The following CCDC86 variants were observed in gnomAD, a reference collection of about 807,000 sequenced individuals.
CCDC86 encodes the protein coiled-coil domain-containing protein 86.
Under a neutral mutation model 36.7 loss-of-function variants are expected in CCDC86, and 28 were observed. The ratio of observed to expected loss-of-function variants is 0.76; its 90% CI spans 0.57 to 1.05. CCDC86 has a LOEUF of 1.05. CCDC86 is among the 50% of genes least tolerant of loss of function. CCDC86 has a pLI of 0.00. For synonymous variants in CCDC86, 199 were observed against 203.4 expected, an observed-to-expected ratio of 0.98 and a Z score of 0.18; for missense variants, 453 against 470.2, an observed-to-expected ratio of 0.96 and a Z score of 0.34.
chr11:60,847,855 C>T (rs1376079886), intron 1 of CCDC86, 69 bp from the exon 2 acceptor site: 8 of 1,499,986 alleles, frequency 5.3e-6, no homozygotes, highest in African/African-American at 4.2e-5. Flanking sequence ...AGCCTCCGGC[C>T]GAGAGGAGAC....
chr11:60,848,091 A>G (rs1209818544), intron 2 of CCDC86, 38 bp downstream of exon 2: 2 of 1,605,224 alleles, frequency 1.2e-6, no homozygotes, highest in Admixed American at 1.7e-5. Flanking sequence ...GGCTCAGAGG[A>G]CTAAGCTAGT....
intron 1 of CCDC86, among the ~76,000 whole-genome samples, chr11:60,843,538 A>T (rs970201571): frequency 2.0e-5 from 3 of 152,202 alleles, no homozygotes; most frequent in Admixed American, 2.0e-4. Context: ...CCCTTTACCC[A>T]ATCCCTGTAG....
Position 60,850,462 on chromosome 11 carries a change from G to C in CCDC86, c.*137G>C, listed in dbSNP as rs534840733. On this transcript the variant is annotated 3_prime_UTR_variant, in exon 4 of 4. Coordinates refer to ENST00000227520, the MANE Select transcript of CCDC86 (RefSeq NM_024098.4). ...AACAGGGACCCCCACCCCGACCGGG[G>C]CTCCTCGGCCTTTGAAGGCTTCCAG... is the stretch of plus-strand genomic sequence containing the variant. 3 of 1,209,428 alleles carry C rather than the reference G, an allele frequency of 2.5e-6. No individual in the cohort carries two copies. The highest frequency in any genetic ancestry group is 5.1e-5 in the East Asian group (2 of 38,888). The allele number at this position is 1,209,428 out of a possible 1,614,324, so 74.9% of individuals were successfully genotyped here.
In CCDC86 at chr11:60,842,667, G is replaced by C; in HGVS notation, c.543G>C (p.Leu181=). 3 of 1,613,924 alleles carry C rather than the reference G, an allele frequency of 1.9e-6. No individual in the cohort carries two copies. Among genetic ancestry groups the C allele is most frequent in the Non-Finnish European group, 1.7e-6 (2 of 1,180,006 alleles). Residue 181 remains leucine (L), a synonymous_variant, in exon 1 of 4, where the codon CTG becomes CTC. Transcript: ENST00000227520. The part of the protein sequence containing the change: ...GPEPSQPLLE[L]TPRAPGSPRG... ...AGCCCTCTCAGCCACTACTGGAGCT[G>C]ACACCCAGGGCACCTGGCTCCCCCC...
At chr11:60,844,590 C>G (rs1390456021) in intron 1 of CCDC86, among the ~76,000 whole-genome samples, 1 of 152,256 alleles carries the variant, frequency 6.6e-6, no homozygotes, top group East Asian at 1.9e-4. Context: ...TGAAAAGCCT[C>G]TCTGGCTTAT....
In CCDC86 at chr11:60,842,334, C is replaced by T. The variant is rs770508634; in HGVS notation, c.210C>T (p.Pro70=). Residue 70 remains proline (P), a synonymous_variant, in exon 1 of 4, where the codon CCC becomes CCT. Transcript: ENST00000227520. The stretch of plus-strand genomic sequence containing the variant: ...CGCCGAAGACAAGCCCAGGATCACC[C>T]CGTCTGCAGCAGGGTGCAGGCTTGG... ...ERPPKTSPGS[P]RLQQGAGLES... is the part of the protein sequence containing the mutation. The T allele has an allele frequency of 9.3e-6, 15 of 1,613,738 alleles. No individual in the cohort carries two copies. The highest frequency in any genetic ancestry group is 1.3e-5 in the Non-Finnish European group (15 of 1,179,916).
At chr11:60,849,915 A>G in intron 2 of CCDC86, 25 bp from the exon 3 acceptor site, 1 of 1,608,284 alleles carries the variant, frequency 6.2e-7, no homozygotes, top group South Asian at 1.1e-5. Context: ...CCCCGACTCA[A>G]ATCCCCTTCT....
Position 60,842,531 on chromosome 11 carries a change from C to T in CCDC86, c.407C>T (p.Ser136Leu). Residue 136 changes from serine to leucine, a missense_variant, in exon 1 of 4, where the codon TCG becomes TTG. Transcript: ENST00000227520. ...KCSQDQGVLA[S>L]ELAQNKEELT... Reference sequence around the variant, plus strand: ...TCTCAGGACCAGGGAGTACTGGCCTCGGAGTTGGCCCAGAATAAGGAGGAG... The same window carrying T: ...TCTCAGGACCAGGGAGTACTGGCCTTGGAGTTGGCCCAGAATAAGGAGGAG... 5.0e-6 allele frequency: 8 copies of T among 1,613,484 alleles called. No individual in the cohort carries two copies. The highest frequency in any genetic ancestry group is 5.9e-6 in the Non-Finnish European group (7 of 1,179,826).
chr11:60,847,723 T>G, intron 1 of CCDC86: 4 of 529,320 alleles, frequency 7.6e-6, no homozygotes, highest in Non-Finnish European at 1.3e-5. Context: ...AGCCAAGGCT[T>G]GAGAAATGGC....
At chr11:60,843,628 A>G (rs1855151166) in intron 1 of CCDC86, among the ~76,000 whole-genome samples, 1 of 152,224 alleles carries the variant, frequency 6.6e-6, no homozygotes, top group South Asian at 2.1e-4. Context: ...AGGGCATAGT[A>G]AATGCCCAAT....
intron 1 of CCDC86, among the ~76,000 whole-genome samples, chr11:60,845,302 C>T (rs753312071): frequency 6.6e-6 from 1 of 152,162 alleles, no homozygotes; most frequent in African/African-American, 2.4e-5. Flanking sequence ...CCTGAGTGAG[C>T]TTGGGAGCCA....
chr11:60,847,592 G>A (rs556592282), intron 1 of CCDC86: 11 of 172,074 alleles, frequency 6.4e-5, no homozygotes, highest in African/African-American at 2.1e-4. Context: ...CTCTGCAGTC[G>A]CTGACAGGAT....
chr11:60,846,378 A>G (rs993694284), intron 1 of CCDC86, among the ~76,000 whole-genome samples: 1 of 152,142 alleles, frequency 6.6e-6, no homozygotes, highest in Non-Finnish European at 1.5e-5. Flanking sequence ...TTGAATCTTT[A>G]AAAGAGAAAG....
chr11:60,844,454 C>T (rs1855159647), intron 1 of CCDC86, among the ~76,000 whole-genome samples: 1 of 152,218 alleles, frequency 6.6e-6, no homozygotes, highest in Admixed American at 6.5e-5. Context: ...CTCCATGTTC[C>T]TCCCATGTGT....
chr11:60,850,423 A>C lies in CCDC86; in HGVS notation c.*98A>C, dbSNP rs1201545085. 1.4e-6 allele frequency: 2 copies of C among 1,461,714 alleles called. No homozygotes were observed. Among genetic ancestry groups the C allele is most frequent in the African/African-American group, 1.4e-5 (1 of 70,678 alleles). 90.5% of individuals were successfully genotyped at this position (1,461,714 alleles called of 1,614,324 possible). A position where few individuals can be genotyped will look rare whatever the true frequency, so the allele number is the denominator to read the frequency against. ...GCCTCTGCTGGAGCTGGCACTCCAA[A>C]CCCATGGCTCCAGAACAGGGACCCC... On this transcript the variant is annotated 3_prime_UTR_variant, in exon 4 of 4. Transcript: ENST00000227520.
At position 60,850,200 on chromosome 11, in the gene CCDC86, C is replaced by A; in HGVS notation, c.964-6C>A. The A allele has an allele frequency of 6.2e-7, 1 of 1,614,158 alleles. No homozygotes were observed. Among genetic ancestry groups the A allele is most frequent in the South Asian group, 1.1e-5 (1 of 91,088 alleles). On this transcript the variant is annotated splice_polypyrimidine_tract_variant and splice_region_variant and intron_variant, in intron 3 of 3. Coordinates refer to ENST00000227520, the MANE Select transcript of CCDC86 (RefSeq NM_024098.4). ...CACTAATGTCCTCCCCTCATACCAC[C>A]CCCAGATCCGAAACCCCGCCAAGCT...
intron 2 of CCDC86, 42 bp downstream of exon 2, chr11:60,848,095 A>G (rs1485181697): frequency 6.2e-7 from 1 of 1,603,700 alleles, no homozygotes; most frequent in Non-Finnish European, 8.5e-7. Context: ...CAGAGGACTA[A>G]GCTAGTGTCT....
intron 3 of CCDC86, 81 bp downstream of exon 3, chr11:60,850,095 C>T (rs1855239485): frequency 6.2e-7 from 1 of 1,604,622 alleles, no homozygotes; most frequent in Non-Finnish European, 8.5e-7. Context: ...CCTCATGTAC[C>T]CCCACTCTCA....
At position 60,850,432 on chromosome 11, in the gene CCDC86, TC is replaced by T; in HGVS notation, c.*109del. The T allele has an allele frequency of 1.4e-6, 2 of 1,418,820 alleles. No individual in the cohort carries two copies. Among genetic ancestry groups the T allele is most frequent in the Non-Finnish European group, 1.9e-6 (2 of 1,057,620 alleles). 87.9% of individuals were successfully genotyped at this position (1,418,820 alleles called of 1,614,324 possible). A position where few individuals can be genotyped will look rare whatever the true frequency, so the allele number is the denominator to read the frequency against. On this transcript the variant is annotated 3_prime_UTR_variant, in exon 4 of 4. Transcript: ENST00000227520. ...GGAGCTGGCACTCCAAACCCATGGC[TC>T]CAGAACAGGGACCCCCACCCCGACC...
Sources: gnomAD v4.1 joint callset for allele counts (sites outside exome capture counted in the v4.1 genomes callset) on GRCh38, gnomAD v4.1.1 for gene constraint, MANE v1.5 for transcripts, NCBI Gene and HGNC (gene_info 2026-07-23, HGNC 2026-07-21) for gene names.